Variants in GABBR2 observed in about 807,000 individuals in gnomAD.
GABBR2 encodes the protein G-protein coupled receptor 51.
A neutral mutation model predicts 105.6 loss-of-function variants in GABBR2; 23 were observed. The observed-to-expected ratio is 0.22, with a 90% CI of 0.16 to 0.31. The LOEUF is 0.31. Among genes scored for constraint, GABBR2 ranks in the 10% least tolerant of loss-of-function variants. GABBR2 has a pLI of 1.00. For missense variants in GABBR2, 734 were observed against 1,245.5 expected, an observed-to-expected ratio of 0.59 and a Z score of 6.18; for synonymous variants, 478 against 499.7, an observed-to-expected ratio of 0.96 and a Z score of 0.58.
At chr9:98,658,079 T>A (rs930046271) in intron 1 of GABBR2, among the ~76,000 whole-genome samples, 20 of 152,232 alleles carry the variant, frequency 1.3e-4, no homozygotes, top group African/African-American at 4.6e-4. Context: ...CTAAATACTT[T>A]ACATATATTC....
intron 13 of GABBR2, among the ~76,000 whole-genome samples, chr9:98,325,225 T>G (rs1276818437): frequency 6.6e-6 from 1 of 152,040 alleles, no homozygotes; most frequent in Non-Finnish European, 1.5e-5. Flanking sequence ...CAGGGACTTT[T>G]TCCACTGTCC....
intron 2 of GABBR2, 43 bp from the exon 3 acceptor site, chr9:98,542,086 C>CA (rs758129459): frequency 3.2e-6 from 5 of 1,557,686 alleles, no homozygotes; most frequent in Middle Eastern, 1.7e-4. Context: ...TGATGAGCCT[C>CA]ACAGCTGTGA....
At chr9:98,599,440 G>A (rs1021769265) in intron 1 of GABBR2, among the ~76,000 whole-genome samples, 1 of 152,186 alleles carries the variant, frequency 6.6e-6, no homozygotes, top group Non-Finnish European at 1.5e-5. Context: ...GACCTGCAAT[G>A]GACATACCAG....
At chr9:98,638,554 G>T (rs7849195) in intron 1 of GABBR2, among the ~76,000 whole-genome samples, 11,618 of 152,132 alleles carry the variant, frequency 0.076, 494 homozygotes, top group African/African-American at 0.095. Flanking sequence ...TTATACAAAG[G>T]CTGGATACAA....
At chr9:98,590,363 C>A (rs996140895) in intron 1 of GABBR2, among the ~76,000 whole-genome samples, 2 of 152,220 alleles carry the variant, frequency 1.3e-5, no homozygotes, top group African/African-American at 4.8e-5. Context: ...ACTCTGAATT[C>A]TTGGCCGGCT....
At chr9:98,471,470 C>A (rs964721251) in intron 6 of GABBR2, among the ~76,000 whole-genome samples, 3 of 152,208 alleles carry the variant, frequency 2.0e-5, no homozygotes. Flanking sequence ...ACATTTCCTC[C>A]CAAATACACT....
intron 14 of GABBR2, among the ~76,000 whole-genome samples, chr9:98,308,741 T>C (rs1172798487): frequency 6.6e-6 from 1 of 152,184 alleles, no homozygotes; most frequent in Non-Finnish European, 1.5e-5. Flanking sequence ...TCCTGGAGCC[T>C]TCAGAGGGAC....
At chr9:98,294,617 C>A (rs1830352359) in intron 17 of GABBR2, among the ~76,000 whole-genome samples, 1 of 152,020 alleles carries the variant, frequency 6.6e-6, no homozygotes, top group South Asian at 2.1e-4. Flanking sequence ...GCTAGGACTA[C>A]AGGCGCATGC....
At chr9:98,463,609 CTCTCGCTCTCGCTCTCCG>C (rs1442211658) in intron 6 of GABBR2, among the ~76,000 whole-genome samples, 15 of 49,152 alleles carry the variant, frequency 3.1e-4, no homozygotes, top group Non-Finnish European at 6.6e-4. Flanking sequence ...CTCCGTCTCG[CTCTCGCTCTCGCTCTCCG>C]TCTCGCTCTC....
At chr9:98,381,645 CCA>C (rs1158895076) in intron 11 of GABBR2, among the ~76,000 whole-genome samples, 1 of 152,196 alleles carries the variant, frequency 6.6e-6, no homozygotes, top group Non-Finnish European at 1.5e-5. Context: ...TGCCTTTTCC[CCA>C]CAGTCATGCA....
At position 98,588,531 on chromosome 9, in the gene GABBR2, AC is replaced by A. The variant is rs146593200; in HGVS notation, c.322-10460del. On this transcript the variant is annotated intron_variant, in intron 1 of 18. Transcript: ENST00000259455. ...ACTAACTCACTTAATCCTCCCAACAACCCTATGAACCATGTCCCATTATTAT... is the reference window on the plus strand; with the variant it reads ...ACTAACTCACTTAATCCTCCCAACAACCTATGAACCATGTCCCATTATTAT... Among the ~76,000 whole-genome samples the A allele has an allele frequency of 2.3e-3, 345 of 152,220 alleles. 2 individuals carry two copies. Among genetic ancestry groups the A allele is most frequent in the African/African-American group, 7.9e-3 (327 of 41,530 alleles).
rs2131837231 is a variant in GABBR2 at position 98,641,376 on chromosome 9, G to T, written c.322-63304C>A. ...TGGTCTCGAACTCCTGACCTCAGGT[G>T]ATCCGCCCACCTCGGCCTCCCAAAG... On this transcript the variant is annotated intron_variant, in intron 1 of 18. Transcript: ENST00000259455. 2.0e-5 allele frequency among the ~76,000 whole-genome samples: 3 copies of T among 151,074 alleles called. 1 individual carries two copies. The Middle Eastern group carries it at 0.01, about 514-fold the overall frequency.
intron 13 of GABBR2, among the ~76,000 whole-genome samples, chr9:98,334,058 T>G (rs1427808366): frequency 6.6e-6 from 1 of 152,222 alleles, no homozygotes; most frequent in South Asian, 2.1e-4. Context: ...ATTTTTGCTA[T>G]TGTTACTCCT....
At chr9:98,443,297 C>T (rs1156351422) in intron 7 of GABBR2, among the ~76,000 whole-genome samples, 1 of 152,190 alleles carries the variant, frequency 6.6e-6, no homozygotes, top group Non-Finnish European at 1.5e-5. Context: ...CACTCCCCCA[C>T]ACTGCTTTTC....
chr9:98,528,975 T>C (rs1828013917), intron 3 of GABBR2, among the ~76,000 whole-genome samples: 1 of 152,174 alleles, frequency 6.6e-6, no homozygotes, highest in Admixed American at 6.5e-5. Flanking sequence ...CTGCATTATT[T>C]ATAATCAGTA....
At position 98,413,180 on chromosome 9, in the gene GABBR2, C is replaced by T. The variant is rs78550687; in HGVS notation, c.1237-7039G>A. On this transcript the variant is annotated intron_variant, in intron 7 of 18. Transcript: ENST00000259455. The stretch of plus-strand genomic sequence containing the variant: ...GTTGCAGGGGCCAGCAGATCAATGT[C>T]TGTGTGAGGGATCCAAGCCCATCGT... Among the ~76,000 whole-genome samples the T allele has an allele frequency of 7.0e-3, 1,068 of 152,300 alleles. 43 individuals carry two copies. In the East Asian group the frequency reaches 0.11, roughly 15 times the overall value.
At chr9:98,403,769 A>G (rs1404170967) in intron 8 of GABBR2, among the ~76,000 whole-genome samples, 1 of 149,146 alleles carries the variant, frequency 6.7e-6, no homozygotes, top group Non-Finnish European at 1.5e-5. Flanking sequence ...ATATATATAT[A>G]TACATATATA....
intron 6 of GABBR2, among the ~76,000 whole-genome samples, chr9:98,457,828 A>G (rs368417760): frequency 6.6e-6 from 1 of 152,224 alleles, no homozygotes; most frequent in African/African-American, 2.4e-5. Context: ...CGCACTCACA[A>G]TTGTTGGAGA....
At chr9:98,352,046 TG>T (rs1831408525) in intron 13 of GABBR2, among the ~76,000 whole-genome samples, 1 of 152,246 alleles carries the variant, frequency 6.6e-6, no homozygotes, top group Admixed American at 6.5e-5. Flanking sequence ...TGATTCTGAA[TG>T]GGCTTAGTAG....
Sources: allele counts gnomAD v4.1 joint callset (sites outside exome capture counted in the v4.1 genomes callset), GRCh38; gene constraint gnomAD v4.1.1; transcripts MANE v1.5; gene names NCBI Gene and HGNC (gene_info 2026-07-23, HGNC 2026-07-21).